SFT2D2: variants seen among roughly 807,000 people sequenced by gnomAD.
SFT2D2 encodes vesicle transport protein SFT2B.
SFT2D2 carries 21 observed loss-of-function variants against 27.4 expected under a neutral mutation model. The observed-to-expected ratio is 0.77, with a 90% CI of 0.54 to 1.10. The LOEUF (loss-of-function observed/expected upper bound fraction) is 1.10. SFT2D2 is among the 50% of genes least tolerant of loss of function. The pLI, the probability that SFT2D2 is intolerant of heterozygous loss-of-function variation, is 0.00. For synonymous variants in SFT2D2, 72 were observed against 71.7 expected, an observed-to-expected ratio of 1.00 and a Z score of -0.02; for missense variants, 187 against 194.2, an observed-to-expected ratio of 0.96 and a Z score of 0.22.
chr1:168,226,244 C>A, intron 1 of SFT2D2, 102 bp downstream of exon 1: 3 of 1,037,742 alleles, frequency 2.9e-6, no homozygotes, highest in Non-Finnish European at 4.1e-6. Context: ...AGTTTCTGGA[C>A]GGTAGCTCTG....
rs1439861391 is a variant in SFT2D2 at position 168,232,011 on chromosome 1, A to G, written c.236+92A>G. 6.2e-6 allele frequency: 6 copies of G among 970,948 alleles called. 1 individual carries two copies. Among genetic ancestry groups the G allele is most frequent in the Non-Finnish European group, 9.9e-6 (6 of 608,492 alleles). 60.1% of individuals were successfully genotyped at this position (970,948 alleles called of 1,614,324 possible). A position where few individuals can be genotyped will look rare whatever the true frequency, so the allele number is the denominator to read the frequency against. On this transcript the variant is annotated intron_variant, in intron 3 of 7. Coordinates refer to ENST00000271375, the MANE Select transcript of SFT2D2 (RefSeq NM_199344.3). ...TGAGGGAGGTGAAAGAGGAGGCTCC[A>G]GTAGTTGTAAGGAATTTGGAGAGAA...
chr1:168,245,097 A>G lies in SFT2D2; in HGVS notation c.*2557A>G, dbSNP rs1264560017. On this transcript the variant is annotated 3_prime_UTR_variant, in exon 8 of 8. Coordinates refer to ENST00000271375, the MANE Select transcript of SFT2D2 (RefSeq NM_199344.3). ...TTCTAGCCACTGCAATCATGTTTTA[A>G]TTGGGAGTAGGGGGAAAGAGGGAGG... 6.6e-6 allele frequency: 1 copy of G among 152,130 alleles called. No homozygotes were observed. The highest frequency in any genetic ancestry group is 2.4e-5 in the African/African-American group (1 of 41,410). The allele number at this position is 152,130 out of a possible 1,614,324, so 9.4% of individuals were successfully genotyped here. A position where few individuals can be genotyped will look rare whatever the true frequency, so the allele number is the denominator to read the frequency against.
At chr1:168,230,531 A>G (rs932052776) in intron 1 of SFT2D2, among the ~76,000 whole-genome samples, 1 of 152,088 alleles carries the variant, frequency 6.6e-6, no homozygotes, top group Admixed American at 6.5e-5. Context: ...CTGGAGTACA[A>G]TGTATGATCT....
chr1:168,226,562 G>A (rs1700461138), intron 1 of SFT2D2, among the ~76,000 whole-genome samples: 1 of 152,066 alleles, frequency 6.6e-6, no homozygotes, highest in Non-Finnish European at 1.5e-5. Flanking sequence ...TGTTGGGGTG[G>A]CGGTCCCTAC....
At chr1:168,228,794 C>T (rs1278196868) in intron 1 of SFT2D2, among the ~76,000 whole-genome samples, 1 of 152,202 alleles carries the variant, frequency 6.6e-6, no homozygotes, top group African/African-American at 2.4e-5. Context: ...GTCAGACTGC[C>T]TGTGAGCGCA....
Position 168,245,799 on chromosome 1 carries a change from A to G in SFT2D2, c.*3259A>G, listed in dbSNP as rs1647794177. On this transcript the variant is annotated 3_prime_UTR_variant, in exon 8 of 8. Transcript: ENST00000271375. ...TTTTCTTGCAATAACTGCTGCATCA[A>G]ACTTGAACTTCGCAGGATTTTCTGA... 1 of 152,750 alleles carries G rather than the reference A, an allele frequency of 6.5e-6. No homozygotes were observed. Among genetic ancestry groups the G allele is most frequent in the African/African-American group, 2.4e-5 (1 of 41,422 alleles). The allele number at this position is 152,750 out of a possible 1,614,324, so 9.5% of individuals were successfully genotyped here.
At position 168,236,531 on chromosome 1, in the gene SFT2D2, A is replaced by G. The variant is rs183380545; in HGVS notation, c.319-58A>G. The G allele has an allele frequency of 1.2e-4, 183 of 1,481,962 alleles. No homozygotes were observed. The East Asian group carries it at 3.5e-3, about 28-fold the overall frequency. 91.8% of individuals were successfully genotyped at this position (1,481,962 alleles called of 1,614,324 possible). ...CATTTGTGAAGAATAACAAGTTTTG[A>G]GTTTTTTTTTTCCTGCCATGTTATT... On this transcript the variant is annotated intron_variant, in intron 4 of 7. Transcript: ENST00000271375.
intron 6 of SFT2D2, among the ~76,000 whole-genome samples, chr1:168,238,701 A>T (rs536729871): frequency 1.1e-4 from 17 of 152,116 alleles, no homozygotes; most frequent in South Asian, 6.2e-4. Context: ...CTGTCTCAAA[A>T]AAAAAAATAA....
chr1:168,246,387 T>G lies in SFT2D2; in HGVS notation c.*3847T>G. 1.5e-6 allele frequency: 1 copy of G among 669,140 alleles called. No individual in the cohort carries two copies. The highest frequency in any genetic ancestry group is 2.3e-6 in the Non-Finnish European group (1 of 431,446). The allele number at this position is 669,140 out of a possible 1,614,324, so 41.5% of individuals were successfully genotyped here. A position where few individuals can be genotyped will look rare whatever the true frequency, so the allele number is the denominator to read the frequency against. The stretch of plus-strand genomic sequence containing the variant: ...TTGCTTTTCTGTGCATTTTTCTACT[T>G]TATCTTGGCCACTTGTGTACATTTT... On this transcript the variant is annotated 3_prime_UTR_variant, in exon 8 of 8. Coordinates refer to ENST00000271375, the MANE Select transcript of SFT2D2 (RefSeq NM_199344.3).
rs116909179 is a variant in SFT2D2, at chr1:168,229,380, C to G, written c.64-2134C>G. 1.4e-4 allele frequency among the ~76,000 whole-genome samples: 21 copies of G among 152,324 alleles called. No individual in the cohort carries two copies. The East Asian group carries it at 3.1e-3, about 22-fold the overall frequency. The stretch of plus-strand genomic sequence containing the variant: ...TATTTAGCAATCTAGATGTCAAAGC[C>G]AATTCAAATTTCATTCTTAACCTTA... On this transcript the variant is annotated intron_variant, in intron 1 of 7. Coordinates refer to ENST00000271375, the MANE Select transcript of SFT2D2 (RefSeq NM_199344.3).
At position 168,239,941 on chromosome 1, in the gene SFT2D2, C is replaced by T. The variant is rs186570462; in HGVS notation, c.443+781C>T. Among the ~76,000 whole-genome samples the T allele has an allele frequency of 4.0e-5, 6 of 151,438 alleles. No individual in the cohort carries two copies. In the East Asian group the frequency reaches 5.8e-4, roughly 15 times the overall value. The stretch of plus-strand genomic sequence containing the variant: ...CTGTAATCCCAGCACTTTGGGAGGC[C>T]GAGGCGGGTGGATCCTGCTGTCAGG... On this transcript the variant is annotated intron_variant, in intron 7 of 7. Coordinates refer to ENST00000271375, the MANE Select transcript of SFT2D2 (RefSeq NM_199344.3).
intron 1 of SFT2D2, chr1:168,229,604 A>G (rs1323310225): frequency 6.6e-6 from 1 of 152,190 alleles, no homozygotes; most frequent in Non-Finnish European, 1.5e-5. Flanking sequence ...TCCTACAGAC[A>G]AGCCATGCCA....
intron 3 of SFT2D2, among the ~76,000 whole-genome samples, chr1:168,234,537 T>C (rs1015529441): frequency 6.6e-6 from 1 of 152,110 alleles, no homozygotes; most frequent in Non-Finnish European, 1.5e-5. Flanking sequence ...ACAAAGTTGT[T>C]GAGGAGAAGA....
At chr1:168,240,317 C>T (rs1210069397) in intron 7 of SFT2D2, among the ~76,000 whole-genome samples, 6 of 152,008 alleles carry the variant, frequency 3.9e-5, no homozygotes, top group Non-Finnish European at 7.4e-5. Context: ...TGATTGGATG[C>T]GAAGTTAAGC....
Position 168,249,542 on chromosome 1 carries a change from C to G in SFT2D2, c.*7002C>G, listed in dbSNP as rs548091794. 5 of 152,450 alleles carry G rather than the reference C, an allele frequency of 3.3e-5. No homozygotes were observed. The highest frequency in any genetic ancestry group is 1.2e-4 in the African/African-American group (5 of 41,386). The allele number at this position is 152,450 out of a possible 1,614,324, so 9.4% of individuals were successfully genotyped here. On this transcript the variant is annotated 3_prime_UTR_variant, in exon 8 of 8. Transcript: ENST00000271375. Reference sequence around the variant, plus strand: ...TGAGCCACCATGCCCAGCCCCATGTCCTTTTTAATGCCTGGATTGACTTTG... The same window carrying G: ...TGAGCCACCATGCCCAGCCCCATGTGCTTTTTAATGCCTGGATTGACTTTG...
At chr1:168,235,042 T>A (rs1394491676) in intron 3 of SFT2D2, 59 bp from the exon 4 acceptor site, 1 of 1,458,186 alleles carries the variant, frequency 6.9e-7, no homozygotes, top group African/African-American at 1.4e-5. Context: ...GGGAGGCGAC[T>A]CAGTGTGCCT....
At chr1:168,237,358 A>G (rs1270898273) in intron 6 of SFT2D2, among the ~76,000 whole-genome samples, 1 of 152,194 alleles carries the variant, frequency 6.6e-6, no homozygotes. Context: ...AGGAAATTGT[A>G]ACTCCAGAGC....
intron 1 of SFT2D2, 131 bp from the exon 2 acceptor site, chr1:168,231,383 C>T (rs902866284): frequency 5.7e-6 from 4 of 697,124 alleles, no homozygotes; most frequent in East Asian, 2.7e-5. Context: ...TGACTTACAT[C>T]GCCTGAGTGT....
chr1:168,231,693 A>G (rs1234484282), intron 2 of SFT2D2, 93 bp downstream of exon 2: 2 of 1,463,892 alleles, frequency 1.4e-6, no homozygotes, highest in African/African-American at 1.4e-5. Context: ...TTTGCCCTTC[A>G]CTAAAATGCA....
Sources: gnomAD v4.1 joint callset for allele counts (sites outside exome capture counted in the v4.1 genomes callset) on GRCh38, gnomAD v4.1.1 for gene constraint, MANE v1.5 for transcripts, NCBI Gene and HGNC (gene_info 2026-07-23, HGNC 2026-07-21) for gene names.